The following NRG3 variants were observed in gnomAD, a reference collection of about 807,000 sequenced individuals.
NRG3 encodes neuregulin 3.
NRG3 carries 31 observed loss-of-function variants against 66.9 expected under a neutral mutation model. The ratio of observed to expected loss-of-function variants is 0.46; its 90% CI spans 0.35 to 0.63. NRG3 has a LOEUF of 0.63. Among genes scored for constraint, NRG3 ranks in the 20% least tolerant of loss-of-function variants. The probability of loss-of-function intolerance (pLI) is 0.00; values close to 1 mark genes in which losing one functional copy is unlikely to be tolerated. For synonymous variants in NRG3, 393 were observed against 359.4 expected, an observed-to-expected ratio of 1.09 and a Z score of -1.06; for missense variants, 910 against 878.9, an observed-to-expected ratio of 1.04 and a Z score of -0.45.
At chr10:82,408,093 A>C (rs60106051) in intron 2 of NRG3, among the ~76,000 whole-genome samples, 3,401 of 80,968 alleles carry the variant, frequency 0.042, 32 homozygotes, top group Non-Finnish European at 0.051. Context: ...GACAGAAAGA[A>C]AGAAAGAAAG....
At chr10:81,878,916 G>A (rs1376969300) in intron 1 of NRG3, among the ~76,000 whole-genome samples, 1 of 152,142 alleles carries the variant, frequency 6.6e-6, no homozygotes, top group Admixed American at 6.5e-5. Flanking sequence ...AGTGGAAGAG[G>A]CTGGTTCACT....
intron 1 of NRG3, among the ~76,000 whole-genome samples, chr10:82,349,762 T>G (rs2083298442): frequency 6.6e-6 from 1 of 152,170 alleles, no homozygotes; most frequent in South Asian, 2.1e-4. Flanking sequence ...GGATAGAATC[T>G]CTTGGTGTGC....
intron 1 of NRG3, among the ~76,000 whole-genome samples, chr10:82,034,327 GT>G (rs35200555): frequency 0.23 from 34,750 of 151,908 alleles, 4,082 homozygotes; most frequent in Middle Eastern, 0.27. Context: ...GATGATTCTT[GT>G]TTGAATATAT....
intron 1 of NRG3, among the ~76,000 whole-genome samples, chr10:81,896,955 CAAGT>C (rs1237621844): frequency 4.6e-5 from 7 of 152,080 alleles, no homozygotes; most frequent in Non-Finnish European, 1.0e-4. Flanking sequence ...AACAGGTATA[CAAGT>C]AAGATAATTT....
At position 82,852,962 on chromosome 10, in the gene NRG3, T is replaced by A. The variant is rs989679092; in HGVS notation, c.1028-12449T>A. The stretch of plus-strand genomic sequence containing the variant: ...CAGTCAACCCTTCCTGATTTTTTTC[T>A]TTTTAAAAGAAGACATTTAAAAAAT... On this transcript the variant is annotated intron_variant, in intron 3 of 8. Transcript: ENST00000372141. 1.8e-4 allele frequency among the ~76,000 whole-genome samples: 27 copies of A among 152,220 alleles called. 1 individual carries two copies. The highest frequency in any genetic ancestry group is 1.8e-3 in the Admixed American group (27 of 15,280).
intron 2 of NRG3, among the ~76,000 whole-genome samples, chr10:82,575,744 T>C (rs937299395): frequency 6.6e-6 from 1 of 151,774 alleles, no homozygotes; most frequent in Non-Finnish European, 1.5e-5. Flanking sequence ...AAACAGCAGA[T>C]CATTTGATAT....
chr10:82,838,940 A>C (rs2453685), intron 3 of NRG3, among the ~76,000 whole-genome samples: 39,674 of 152,010 alleles, frequency 0.26, 5,392 homozygotes, highest in Non-Finnish European at 0.31. Context: ...GGCAGATGAG[A>C]GGATGAAAAC....
At chr10:82,792,961 A>G (rs1384821435) in intron 3 of NRG3, among the ~76,000 whole-genome samples, 2 of 152,070 alleles carry the variant, frequency 1.3e-5, no homozygotes, top group Non-Finnish European at 2.9e-5. Context: ...GATTACAGGC[A>G]TAAGCCACCA....
At chr10:82,808,682 T>C (rs2061380559) in intron 3 of NRG3, among the ~76,000 whole-genome samples, 1 of 152,222 alleles carries the variant, frequency 6.6e-6, no homozygotes, top group Non-Finnish European at 1.5e-5. Context: ...GAATTACCCA[T>C]GCTTCATGTT....
chr10:81,926,182 A>G (rs1372258025), intron 1 of NRG3, among the ~76,000 whole-genome samples: 13 of 152,132 alleles, frequency 8.5e-5, no homozygotes, highest in Non-Finnish European at 1.5e-5. Flanking sequence ...CAGTGGCACA[A>G]TCTCGGCTCA....
At chr10:82,372,731 T>C (rs959048290) in intron 2 of NRG3, among the ~76,000 whole-genome samples, 4 of 152,150 alleles carry the variant, frequency 2.6e-5, no homozygotes, top group Non-Finnish European at 5.9e-5. Flanking sequence ...CTAGCTGAGA[T>C]TACAGGCATG....
At chr10:82,273,656 G>A (rs1285820818) in intron 1 of NRG3, among the ~76,000 whole-genome samples, 2 of 151,932 alleles carry the variant, frequency 1.3e-5, no homozygotes, top group Non-Finnish European at 2.9e-5. Context: ...TTGATAATAT[G>A]TGGTTTCTTT....
chr10:82,601,164 T>C (rs2047604027), intron 2 of NRG3, among the ~76,000 whole-genome samples: 1 of 152,232 alleles, frequency 6.6e-6, no homozygotes, highest in African/African-American at 2.4e-5. Context: ...ATGGTACATA[T>C]GTACCACATT....
chr10:82,037,623 T>C (rs2062846065), intron 1 of NRG3, among the ~76,000 whole-genome samples: 1 of 152,148 alleles, frequency 6.6e-6, no homozygotes, highest in Non-Finnish European at 1.5e-5. Context: ...ATTGGCAGGA[T>C]CTCATATGAA....
intron 2 of NRG3, among the ~76,000 whole-genome samples, chr10:82,401,583 G>A (rs967705254): frequency 7.9e-5 from 12 of 151,976 alleles, no homozygotes; most frequent in East Asian, 5.8e-4. Flanking sequence ...AGGGGCACCC[G>A]GATATAGGAC....
chr10:82,295,071 G>C (rs1010506114), intron 1 of NRG3, among the ~76,000 whole-genome samples: 1 of 126,624 alleles, frequency 7.9e-6, no homozygotes, highest in African/African-American at 4.6e-5. Flanking sequence ...GCTGACTAAT[G>C]TAAAAAAAAA....
intron 1 of NRG3, among the ~76,000 whole-genome samples, chr10:82,213,888 G>A (rs1263025179): frequency 6.6e-6 from 1 of 152,044 alleles, no homozygotes; most frequent in African/African-American, 2.4e-5. Context: ...CACCAGAGTC[G>A]GCTTATTCGA....
chr10:81,945,958 G>A (rs2133140809), intron 1 of NRG3, among the ~76,000 whole-genome samples: 1 of 152,232 alleles, frequency 6.6e-6, no homozygotes, highest in Non-Finnish European at 1.5e-5. Flanking sequence ...GAGAGGCATG[G>A]ACAGATCCTT....
chr10:82,694,434 G>C (rs965910866), intron 2 of NRG3, among the ~76,000 whole-genome samples: 1 of 152,144 alleles, frequency 6.6e-6, no homozygotes, highest in Non-Finnish European at 1.5e-5. Context: ...TCACGTGTTT[G>C]TGTGTGTGTT....
Sources: gnomAD v4.1 joint callset for allele counts (sites outside exome capture counted in the v4.1 genomes callset) on GRCh38, gnomAD v4.1.1 for gene constraint, MANE v1.5 for transcripts, NCBI Gene and HGNC (gene_info 2026-07-23, HGNC 2026-07-21) for gene names.